GTF3C6: variants seen among roughly 807,000 people sequenced by gnomAD.
GTF3C6 encodes the protein general transcription factor 3C polypeptide 6.
A neutral mutation model predicts 19.2 loss-of-function variants in GTF3C6; 11 were observed. The observed-to-expected ratio is 0.57, with a 90% CI of 0.36 to 0.95. GTF3C6 has a LOEUF of 0.95. Among genes scored for constraint, GTF3C6 ranks in the 40% least tolerant of loss-of-function variants. GTF3C6 has a pLI of 0.01. For synonymous variants in GTF3C6, 87 were observed against 84.2 expected, an observed-to-expected ratio of 1.03 and a Z score of -0.18; for missense variants, 222 against 254.7, an observed-to-expected ratio of 0.87 and a Z score of 0.87.
chr6:110,962,998 C>G (rs1771184334), intron 5 of GTF3C6, among the ~76,000 whole-genome samples: 1 of 152,104 alleles, frequency 6.6e-6, no homozygotes, highest in Non-Finnish European at 1.5e-5. Context: ...AGGATGCTCT[C>G]AATCTCTTGA....
chr6:110,961,194 A>G (rs1183045160), intron 4 of GTF3C6, among the ~76,000 whole-genome samples: 1 of 149,282 alleles, frequency 6.7e-6, no homozygotes, highest in East Asian at 2.0e-4. Context: ...TCTGTCACCC[A>G]GGCTGGAGTG....
chr6:110,963,578 G>T (rs1016523842), intron 5 of GTF3C6, among the ~76,000 whole-genome samples: 2 of 152,092 alleles, frequency 1.3e-5, no homozygotes, highest in African/African-American at 4.8e-5. Flanking sequence ...TGTGTGGGGG[G>T]AAAAAACTTC....
chr6:110,962,392 C>T lies in GTF3C6; in HGVS notation c.248C>T (p.Ala83Val). The change falls in exon 5 of 6, where the codon GCT becomes GTT. Residue 83 changes from alanine (A) to valine (V), a missense_variant and splice_region_variant. Physicochemically the swap from Ala to Val is moderately conservative, Grantham distance 64 (BLOSUM62 0). Coordinates refer to ENST00000329970, the MANE Select transcript of GTF3C6 (RefSeq NM_138408.4). ...ATAATGTTGTTCATTTCTGTTCCAGCTGATACAGAAGGCAATAATAAAACA... is the reference window on the plus strand; with the variant it reads ...ATAATGTTGTTCATTTCTGTTCCAGTTGATACAGAAGGCAATAATAAAACA... ...CVIFEENVEH[A>V]DTEGNNKTVL... 6.6e-7 allele frequency: 1 copy of T among 1,513,744 alleles called. No homozygotes were observed. The highest frequency in any genetic ancestry group is 9.2e-7 in the Non-Finnish European group (1 of 1,089,518). 93.8% of individuals were successfully genotyped at this position (1,513,744 alleles called of 1,614,324 possible).
intron 4 of GTF3C6, among the ~76,000 whole-genome samples, chr6:110,961,666 T>C (rs1442781270): frequency 6.6e-6 from 1 of 152,166 alleles, no homozygotes; most frequent in Non-Finnish European, 1.5e-5. Flanking sequence ...GCTTTCATGA[T>C]TGAGAATGTC....
intron 4 of GTF3C6, among the ~76,000 whole-genome samples, chr6:110,960,849 G>A (rs528212519): frequency 2.0e-5 from 3 of 151,800 alleles, no homozygotes; most frequent in Non-Finnish European, 4.4e-5. Flanking sequence ...CCAGGAGTTC[G>A]AGACCAGCCT....
chr6:110,962,476 CAG>C lies in GTF3C6; in HGVS notation c.336_337del (p.Lys113GlufsTer18). On this transcript the variant is annotated frameshift_variant, in exon 5 of 6. Coordinates refer to ENST00000329970, the MANE Select transcript of GTF3C6 (RefSeq NM_138408.4). LOFTEE classifies it high-confidence loss of function. The stretch of plus-strand genomic sequence containing the variant: ...CTCAGCATGACAAGAACTCTCCTGA[CAG>C]AGAAGAAGGAAGGAGAAGAAAACAT... The C allele has an allele frequency of 1.2e-6, 2 of 1,607,446 alleles. No homozygotes were observed. The highest frequency in any genetic ancestry group is 8.5e-7 in the Non-Finnish European group (1 of 1,173,974).
At chr6:110,961,930 T>A (rs1463671117) in intron 4 of GTF3C6, among the ~76,000 whole-genome samples, 2 of 150,184 alleles carry the variant, frequency 1.3e-5, no homozygotes, top group African/African-American at 4.9e-5. Flanking sequence ...TTGAGACAGT[T>A]TTGCTTTTGT....
intron 4 of GTF3C6, among the ~76,000 whole-genome samples, chr6:110,961,535 A>G (rs952431044): frequency 1.3e-5 from 2 of 152,186 alleles, no homozygotes; most frequent in Non-Finnish European, 2.9e-5. Context: ...GTAGCAATGT[A>G]TGGAAGTGTC....
At chr6:110,958,866 G>A (rs1204425755) in intron 1 of GTF3C6, 40 bp downstream of exon 1, 2 of 1,541,198 alleles carry the variant, frequency 1.3e-6, no homozygotes, top group Non-Finnish European at 1.8e-6. Context: ...CGCAGTGGCG[G>A]TGATGCCTGT....
intron 5 of GTF3C6, among the ~76,000 whole-genome samples, chr6:110,965,568 CCT>C (rs572175466): frequency 1.7e-3 from 252 of 152,240 alleles, no homozygotes; most frequent in African/African-American, 5.8e-3. Flanking sequence ...TGAACTATCC[CCT>C]TTTTTAGGCA....
At chr6:110,966,272 A>G (rs1283489652) in intron 5 of GTF3C6, among the ~76,000 whole-genome samples, 1 of 152,078 alleles carries the variant, frequency 6.6e-6, no homozygotes, top group Non-Finnish European at 1.5e-5. Flanking sequence ...TCAGGAGTTC[A>G]AGACCAGCCT....
intron 1 of GTF3C6, 109 bp downstream of exon 1, chr6:110,958,935 C>A: frequency 7.9e-7 from 1 of 1,259,970 alleles, no homozygotes; most frequent in Non-Finnish European, 1.1e-6. Flanking sequence ...GGCCCCACTG[C>A]TCCTCACCGG....
intron 5 of GTF3C6, among the ~76,000 whole-genome samples, chr6:110,964,243 T>C (rs1771199926): frequency 6.6e-6 from 1 of 151,508 alleles, no homozygotes; most frequent in South Asian, 2.1e-4. Context: ...CTTTTTTTTG[T>C]TTTTGTTTTC....
chr6:110,967,863 T>C lies in GTF3C6; in HGVS notation c.*73T>C. The C allele has an allele frequency of 7.8e-7, 1 of 1,287,034 alleles. No individual in the cohort carries two copies. The allele number at this position is 1,287,034 out of a possible 1,614,324, so 79.7% of individuals were successfully genotyped here. A position where few individuals can be genotyped will look rare whatever the true frequency, so the allele number is the denominator to read the frequency against. On this transcript the variant is annotated 3_prime_UTR_variant, in exon 6 of 6. Coordinates refer to ENST00000329970, the MANE Select transcript of GTF3C6 (RefSeq NM_138408.4). Reference sequence around the variant, plus strand: ...TTTTAGAGTTGTTACATAAAAATAATTGCTGTGTAGCTTTCAGTCTTTTAA... The same window carrying C: ...TTTTAGAGTTGTTACATAAAAATAACTGCTGTGTAGCTTTCAGTCTTTTAA...
At chr6:110,964,508 G>A (rs1562359216) in intron 5 of GTF3C6, among the ~76,000 whole-genome samples, 1 of 152,150 alleles carries the variant, frequency 6.6e-6, no homozygotes, top group Non-Finnish European at 1.5e-5. Flanking sequence ...CCAAAGTGCT[G>A]GGATTACAGG....
intron 5 of GTF3C6, among the ~76,000 whole-genome samples, chr6:110,965,755 A>G (rs544857780): frequency 6.6e-6 from 1 of 152,320 alleles, no homozygotes; most frequent in Non-Finnish European, 1.5e-5. Context: ...TGTTTAGTCA[A>G]GTAAATGAGC....
chr6:110,963,703 CTTTTTT>C (rs5879081), intron 5 of GTF3C6, among the ~76,000 whole-genome samples: 3 of 129,984 alleles, frequency 2.3e-5, no homozygotes, highest in African/African-American at 8.6e-5. Context: ...AAAAAGCTGG[CTTTTTT>C]TTTTTTTTTT....
At chr6:110,966,565 G>T (rs1364583755) in intron 5 of GTF3C6, among the ~76,000 whole-genome samples, 2 of 152,180 alleles carry the variant, frequency 1.3e-5, no homozygotes, top group East Asian at 3.8e-4. Context: ...TACCAGGAAG[G>T]TGAAGATCAT....
intron 2 of GTF3C6, among the ~76,000 whole-genome samples, chr6:110,959,668 A>AT (rs1363614504): frequency 3.4e-4 from 51 of 152,150 alleles, no homozygotes; most frequent in African/African-American, 1.1e-3. Flanking sequence ...TAAAATAATA[A>AT]TAAAAAAAAA....
Sources: gnomAD v4.1 joint callset for allele counts (sites outside exome capture counted in the v4.1 genomes callset) on GRCh38, gnomAD v4.1.1 for gene constraint, MANE v1.5 for transcripts, NCBI Gene and HGNC (gene_info 2026-07-23, HGNC 2026-07-21) for gene names.